FER: variants seen among roughly 807,000 people sequenced by gnomAD.
FER encodes the protein FER tyrosine kinase.
Under a neutral mutation model 111.0 loss-of-function variants are expected in FER, and 63 were observed. The ratio of observed to expected loss-of-function variants is 0.57; its 90% CI spans 0.46 to 0.70. The LOEUF (loss-of-function observed/expected upper bound fraction) is 0.70, where lower values mean the gene tolerates loss of function less well. FER is among the 30% of genes least tolerant of loss of function. FER has a pLI of 0.00. For missense variants in FER, 914 were observed against 954.0 expected (o/e 0.96, Z 0.55); for synonymous variants, 327 against 313.9 (o/e 1.04, Z -0.44).
intron 16 of FER, among the ~76,000 whole-genome samples, chr5:109,080,070 G>A (rs1776817149): frequency 6.6e-6 from 1 of 152,000 alleles, no homozygotes; most frequent in Admixed American, 6.6e-5. Flanking sequence ...AATGAATAAA[G>A]TGTATCTAGA....
At chr5:109,017,402 T>C (rs1767294666) in intron 13 of FER, among the ~76,000 whole-genome samples, 1 of 152,000 alleles carries the variant, frequency 6.6e-6, no homozygotes, top group Admixed American at 6.6e-5. Flanking sequence ...CTTTGGATTG[T>C]TTTGAAGCAA....
intron 16 of FER, among the ~76,000 whole-genome samples, chr5:109,090,097 C>A (rs550449911): frequency 6.6e-6 from 1 of 152,254 alleles, no homozygotes; most frequent in East Asian, 1.9e-4. Context: ...TGCCTACTCA[C>A]CACTGCTGAG....
intron 10 of FER, among the ~76,000 whole-genome samples, chr5:108,902,657 G>A (rs141823390): frequency 3.0e-4 from 45 of 152,290 alleles, no homozygotes; most frequent in African/African-American, 9.9e-4. Flanking sequence ...TTAGTTAGAA[G>A]ATAAATCCTT....
intron 1 of FER, among the ~76,000 whole-genome samples, chr5:108,749,763 G>A (rs1051730765): frequency 6.6e-6 from 1 of 152,186 alleles, no homozygotes; most frequent in Non-Finnish European, 1.5e-5. Flanking sequence ...TAGAATTGGG[G>A]AGATGTTTGG....
intron 13 of FER, among the ~76,000 whole-genome samples, chr5:109,029,852 A>G (rs973136289): frequency 6.6e-6 from 1 of 152,112 alleles, no homozygotes; most frequent in Non-Finnish European, 1.5e-5. Context: ...TCTTGTTTGT[A>G]GATTTGTGTC....
intron 17 of FER, among the ~76,000 whole-genome samples, chr5:109,116,352 C>T (rs1582099235): frequency 6.7e-6 from 1 of 150,314 alleles, no homozygotes; most frequent in Middle Eastern, 3.5e-3. Flanking sequence ...TTGTTTAAAA[C>T]TTGTTTCTGT....
intron 17 of FER, among the ~76,000 whole-genome samples, chr5:109,123,398 C>T (rs1253512847): frequency 4.6e-5 from 7 of 151,870 alleles, no homozygotes; most frequent in African/African-American, 9.7e-5. Flanking sequence ...CCTCATGATC[C>T]GCCCACCTCA....
chr5:109,095,258 T>C (rs948303687), intron 16 of FER, among the ~76,000 whole-genome samples: 1 of 152,110 alleles, frequency 6.6e-6, no homozygotes, highest in East Asian at 1.9e-4. Context: ...GAAGTACTTT[T>C]TTAAAGAAGG....
chr5:108,950,542 C>T (rs891432720), intron 11 of FER, among the ~76,000 whole-genome samples: 2 of 152,124 alleles, frequency 1.3e-5, no homozygotes, highest in East Asian at 3.9e-4. Context: ...AAAGACAGAA[C>T]CACTATTTTA....
intron 10 of FER, among the ~76,000 whole-genome samples, chr5:108,911,546 A>G (rs560323102): frequency 2.0e-5 from 3 of 152,238 alleles, no homozygotes; most frequent in South Asian, 2.1e-4. Flanking sequence ...GTGTAGGCCA[A>G]TGTCTGGAAG....
intron 13 of FER, among the ~76,000 whole-genome samples, chr5:108,974,818 A>G (rs894435704): frequency 1.3e-5 from 2 of 152,234 alleles, no homozygotes; most frequent in Non-Finnish European, 2.9e-5. Flanking sequence ...TGGAAAAGGC[A>G]AGAAATAGAT....
intron 3 of FER, among the ~76,000 whole-genome samples, chr5:108,824,947 C>G (rs1264625418): frequency 6.6e-6 from 1 of 151,252 alleles, no homozygotes; most frequent in Non-Finnish European, 1.5e-5. Context: ...TCTGTGATGC[C>G]CACAAGCCAC....
At chr5:109,064,580 T>C (rs1774852324) in intron 16 of FER, among the ~76,000 whole-genome samples, 1 of 152,326 alleles carries the variant, frequency 6.6e-6, no homozygotes, top group East Asian at 1.9e-4. Flanking sequence ...GTTTTCATGG[T>C]ACATTTGAGC....
chr5:108,990,345 C>T (rs1013861903), intron 13 of FER, among the ~76,000 whole-genome samples: 1 of 151,674 alleles, frequency 6.6e-6, no homozygotes, highest in Non-Finnish European at 1.5e-5. Context: ...TTTCAATATA[C>T]TAGACTTAGA....
intron 13 of FER, among the ~76,000 whole-genome samples, chr5:108,967,677 T>C (rs1252262713): frequency 6.7e-6 from 1 of 148,938 alleles, no homozygotes; most frequent in South Asian, 2.1e-4. Context: ...GGAGAATCGC[T>C]TGAACCCGGG....
At chr5:108,750,623 C>T (rs1750375446) in intron 1 of FER, among the ~76,000 whole-genome samples, 1 of 152,186 alleles carries the variant, frequency 6.6e-6, no homozygotes, top group African/African-American at 2.4e-5. Context: ...TGCACTGCTT[C>T]AAAGGTTGAT....
intron 5 of FER, among the ~76,000 whole-genome samples, chr5:108,856,354 A>G (rs545014066): frequency 6.6e-6 from 1 of 152,070 alleles, no homozygotes; most frequent in South Asian, 2.1e-4. Context: ...CTCATTATTC[A>G]TTTTTTTCCT....
At position 108,927,252 on chromosome 5, in the gene FER, C is replaced by CTTTTTTTTTTTTTTT. The variant is rs766702172; in HGVS notation, c.1237-18873_1237-18859dup. Reference sequence around the variant, plus strand: ...TGTAATTCAGCATTGAGAAGTGGCTCTTTTTTTTTTTTTTTTTTTGAGACG... The same window carrying CTTTTTTTTTTTTTTT: ...TGTAATTCAGCATTGAGAAGTGGCTCTTTTTTTTTTTTTTTTTTTTTTTTTTTTTTTTTTGAGACG... On this transcript the variant is annotated intron_variant, in intron 10 of 19. Transcript: ENST00000281092. Among the ~76,000 whole-genome samples the CTTTTTTTTTTTTTTT allele has an allele frequency of 1.7e-3, 165 of 95,232 alleles. 38 individuals are homozygous for CTTTTTTTTTTTTTTT. The highest frequency in any genetic ancestry group is 7.7e-3 in the African/African-American group (133 of 17,258). The allele number at this position is 95,232 out of a possible 152,430, so 62.5% of individuals were successfully genotyped here. A position where few individuals can be genotyped will look rare whatever the true frequency, so the allele number is the denominator to read the frequency against.
At chr5:108,755,463 T>G (rs1750979758) in intron 1 of FER, among the ~76,000 whole-genome samples, 1 of 152,142 alleles carries the variant, frequency 6.6e-6, no homozygotes, top group Non-Finnish European at 1.5e-5. Context: ...TGCATTTGAC[T>G]CTTCTAGCAG....
Sources: gnomAD v4.1 joint callset for allele counts (sites outside exome capture counted in the v4.1 genomes callset) on GRCh38, gnomAD v4.1.1 for gene constraint, MANE v1.5 for transcripts, NCBI Gene and HGNC (gene_info 2026-07-23, HGNC 2026-07-21) for gene names.